The following CIAPIN1 variants were observed in gnomAD, a reference collection of about 807,000 sequenced individuals.
CIAPIN1 encodes the protein anamorsin.
CIAPIN1 carries 18 observed loss-of-function variants against 34.3 expected under a neutral mutation model. That is an observed-to-expected ratio of 0.52 (90% CI 0.36 to 0.78). CIAPIN1 has a LOEUF of 0.78. Among genes scored for constraint, CIAPIN1 ranks in the 30% least tolerant of loss-of-function variants. CIAPIN1 has a pLI of 0.00. For missense variants in CIAPIN1, 310 were observed against 372.5 expected, an observed-to-expected ratio of 0.83 and a Z score of 1.38; for synonymous variants, 131 against 140.4, an observed-to-expected ratio of 0.93 and a Z score of 0.47.
chr16:57,433,579 T>C (rs2146559445), intron 5 of CIAPIN1: 1 of 203,644 alleles, frequency 4.9e-6, no homozygotes, highest in South Asian at 8.3e-5. Context: ...TTGTACACAA[T>C]TTTCTAGTCA....
intron 8 of CIAPIN1, among the ~76,000 whole-genome samples, chr16:57,429,643 T>C (rs178600): frequency 0.97 from 148,133 of 152,062 alleles, 72,189 homozygotes; most frequent in East Asian, 1. Context: ...AGGCGCCCGC[T>C]ACCATGCCCG....
chr16:57,430,390 C>G, intron 7 of CIAPIN1, 51 bp from the exon 8 acceptor site: 1 of 1,573,260 alleles, frequency 6.4e-7, no homozygotes. Context: ...ACCCAGAAAT[C>G]CCAAATCCTA....
chr16:57,435,034 C>G (rs1310890277), intron 4 of CIAPIN1, among the ~76,000 whole-genome samples: 1 of 152,036 alleles, frequency 6.6e-6, no homozygotes, highest in African/African-American at 2.4e-5. Flanking sequence ...GATATGTGTC[C>G]CCTCTAAATC....
chr16:57,440,789 A>G lies in CIAPIN1; in HGVS notation c.140T>C (p.Ile47Thr), dbSNP rs201151686. 68 of 1,612,872 alleles carry G rather than the reference A, an allele frequency of 4.2e-5. No homozygotes were observed. Among genetic ancestry groups the G allele is most frequent in the Non-Finnish European group, 5.4e-5 (64 of 1,179,424 alleles). Residue 47 changes from isoleucine to threonine, a missense_variant, in exon 2 of 9, where the codon ATC (isoleucine) becomes ACC (threonine). Physicochemically the swap from Ile to Thr is moderately conservative, Grantham distance 89. Coordinates refer to ENST00000394391, the MANE Select transcript of CIAPIN1 (RefSeq NM_020313.4). ...GTACTTACATTGCAACAGCTGCTTG[A>G]TGTTTTCCACAGACACGCGGCCCTC... ...GNEGRVSVEN[I>T]KQLLQSAHKE...
chr16:57,429,223 A>T lies in CIAPIN1; in HGVS notation c.886T>A (p.Phe296Ile). The change falls in exon 9 of 9, where the codon TTC becomes ATC. Residue 296 changes from phenylalanine (F) to isoleucine (I), a missense_variant. By Grantham distance (21) the Phe-to-Ile change is conservative. Coordinates refer to ENST00000394391, the MANE Select transcript of CIAPIN1 (RefSeq NM_020313.4). The stretch of plus-strand genomic sequence containing the variant: ...AGAAGCACCTTTTCCCCAGGTTTGA[A>T]GGCTGGCATCCCAAGGTAGGGGCAG... ...ASCPYLGMPA[F>I]KPGEKVLLSD... 1.9e-6 allele frequency: 3 copies of T among 1,613,866 alleles called. No individual in the cohort carries two copies. The highest frequency in any genetic ancestry group is 2.5e-6 in the Non-Finnish European group (3 of 1,180,022).
At chr16:57,429,817 C>T (rs182208150) in intron 8 of CIAPIN1, among the ~76,000 whole-genome samples, 5,142 of 150,048 alleles carry the variant, frequency 0.034, 110 homozygotes, top group Middle Eastern at 0.079. Flanking sequence ...GATGGAGTCT[C>T]CCTCTGTCAC....
At chr16:57,430,486 A>T in intron 7 of CIAPIN1, 147 bp from the exon 8 acceptor site, 1 of 673,030 alleles carries the variant, frequency 1.5e-6, no homozygotes. Context: ...CAGCAGCAAT[A>T]TGAGAGGCTG....
At chr16:57,446,256 G>A (rs2030062669) in intron 1 of CIAPIN1, among the ~76,000 whole-genome samples, 1 of 152,150 alleles carries the variant, frequency 6.6e-6, no homozygotes, top group Non-Finnish European at 1.5e-5. Context: ...CCACAGGAAA[G>A]GCTCATTCAA....
At chr16:57,444,939 G>GTACC (rs1310293955) in intron 1 of CIAPIN1, among the ~76,000 whole-genome samples, 2 of 152,124 alleles carry the variant, frequency 1.3e-5, no homozygotes, top group African/African-American at 2.4e-5. Context: ...AGCTTGTTGG[G>GTACC]TACCTCTCCA....
At chr16:57,442,557 T>A (rs1349287476) in intron 1 of CIAPIN1, among the ~76,000 whole-genome samples, 1 of 151,808 alleles carries the variant, frequency 6.6e-6, no homozygotes, top group Non-Finnish European at 1.5e-5. Context: ...TATGTAGTAA[T>A]CTTATGTAGT....
chr16:57,440,707 C>G, intron 2 of CIAPIN1, 65 bp downstream of exon 2: 4 of 1,505,518 alleles, frequency 2.7e-6, no homozygotes, highest in Non-Finnish European at 3.6e-6. Context: ...CAAGGAACCA[C>G]AGAAATGCAA....
chr16:57,439,850 C>G (rs568405482), intron 2 of CIAPIN1, among the ~76,000 whole-genome samples: 32 of 152,096 alleles, frequency 2.1e-4, no homozygotes, highest in Non-Finnish European at 3.8e-4. Context: ...GTGATGATTG[C>G]GTTAACTGCA....
chr16:57,441,064 A>C, intron 1 of CIAPIN1, 81 bp from the exon 2 acceptor site: 1 of 794,534 alleles, frequency 1.3e-6, no homozygotes, highest in South Asian at 1.9e-5. Context: ...GTAACCGCCC[A>C]CTAGGGAATG....
intron 3 of CIAPIN1, among the ~76,000 whole-genome samples, chr16:57,438,894 T>C (rs773224628): frequency 2.0e-5 from 3 of 152,260 alleles, no homozygotes; most frequent in Non-Finnish European, 2.9e-5. Flanking sequence ...TTCATTTTTA[T>C]TGCTGCATCA....
At chr16:57,446,843 C>G (rs1016892903) in intron 1 of CIAPIN1, among the ~76,000 whole-genome samples, 1 of 152,218 alleles carries the variant, frequency 6.6e-6, no homozygotes, top group African/African-American at 2.4e-5. Context: ...ACTCAACACG[C>G]TGGGGGTTCG....
At chr16:57,432,439 A>C in intron 6 of CIAPIN1, 48 bp downstream of exon 6, 1 of 1,574,156 alleles carries the variant, frequency 6.4e-7, no homozygotes, top group Non-Finnish European at 8.7e-7. Flanking sequence ...TTCACACCCA[A>C]ACTGGGGCCT....
rs766425632 is a variant in CIAPIN1 at position 57,440,906 on chromosome 16, G to A, written c.23C>T (p.Ala8Val). MADFGIS[A>V]GQFVAVVWDK... is the part of the protein sequence containing the mutation. ...CCAGACCACTGCCACAAACTGGCCA[G>A]CAGAGATCCCAAAATCTGCCATTCT... Residue 8 changes from alanine to valine, a missense_variant, in exon 2 of 9, where the codon GCT becomes GTT. Transcript: ENST00000394391. The A allele has an allele frequency of 1.4e-5, 23 of 1,613,264 alleles. No individual in the cohort carries two copies. The highest frequency in any genetic ancestry group is 3.4e-6 in the Non-Finnish European group (4 of 1,179,782).
At chr16:57,432,832 G>C (rs1199379035) in intron 5 of CIAPIN1, among the ~76,000 whole-genome samples, 1 of 152,182 alleles carries the variant, frequency 6.6e-6, no homozygotes, top group Non-Finnish European at 1.5e-5. Flanking sequence ...TAATTCTGCT[G>C]ACAACCTTAT....
In CIAPIN1 at chr16:57,432,565, G is replaced by A; in HGVS notation, c.557-5C>T. 1 of 1,610,710 alleles carries A rather than the reference G, an allele frequency of 6.2e-7. No individual in the cohort carries two copies. The highest frequency in any genetic ancestry group is 8.5e-7 in the Non-Finnish European group (1 of 1,179,110). On this transcript the variant is annotated splice_region_variant and splice_polypyrimidine_tract_variant and intron_variant, in intron 5 of 8. Coordinates refer to ENST00000394391, the MANE Select transcript of CIAPIN1 (RefSeq NM_020313.4). ...CAGGGTCCACAGCAGGTTTCACTGA[G>A]TCCAAGCAATAAAAGAAAAAACTCC...
Sources: gnomAD v4.1 joint callset for allele counts (sites outside exome capture counted in the v4.1 genomes callset) on GRCh38, gnomAD v4.1.1 for gene constraint, MANE v1.5 for transcripts, NCBI Gene and HGNC (gene_info 2026-07-23, HGNC 2026-07-21) for gene names.